The following OGFOD1 variants were observed in gnomAD, a reference collection of about 807,000 sequenced individuals.
OGFOD1 encodes 2-oxoglutarate and iron dependent oxygenase domain containing 1.
Under a neutral mutation model 67.7 loss-of-function variants are expected in OGFOD1, and 54 were observed. That is an observed-to-expected ratio of 0.80 (90% CI 0.64 to 1.00). The LOEUF (loss-of-function observed/expected upper bound fraction) is 1.00, where lower values mean the gene tolerates loss of function less well. Ranked by LOEUF, OGFOD1 falls within the 50% of genes least tolerant of loss-of-function variation. The pLI, the probability that OGFOD1 is intolerant of heterozygous loss-of-function variation, is 0.00. For synonymous variants in OGFOD1, 221 were observed against 227.0 expected (o/e 0.97, Z 0.24); for missense variants, 606 against 646.7 (o/e 0.94, Z 0.68).
At position 56,451,645 on chromosome 16, in the gene OGFOD1, A is replaced by G; in HGVS notation, c.33A>G (p.Pro11=). 6.2e-7 allele frequency: 1 copy of G among 1,614,008 alleles called. No individual in the cohort carries two copies. Among genetic ancestry groups the G allele is most frequent in the Non-Finnish European group, 8.5e-7 (1 of 1,180,008 alleles). Residue 11 remains proline (P), a synonymous_variant, in exon 1 of 13, where the codon CCA becomes CCG. Coordinates refer to ENST00000566157, the MANE Select transcript of OGFOD1 (RefSeq NM_018233.4). MNGKRPAEPG[P]ARVGKKGKKE... ...GGAAGCGGCCAGCGGAGCCCGGCCC[A>G]GCCCGGGTGGGAAAAAAGGGAAAGA... is the stretch of plus-strand genomic sequence containing the variant.
At position 56,453,399 on chromosome 16, in the gene OGFOD1, G is replaced by T. The variant is rs969708816; in HGVS notation, c.291G>T (p.Lys97Asn). The change falls in exon 2 of 13, where the codon AAG becomes AAT. Residue 97 changes from lysine to asparagine, a missense_variant. Physicochemically the swap from Lys to Asn is moderately conservative, Grantham distance 94 (BLOSUM62 0). Coordinates refer to ENST00000566157, the MANE Select transcript of OGFOD1 (RefSeq NM_018233.4). ...ATGAGAAGTATAATGATTTATATAA[G>T]TTCCAGCAGGTATTTATTCCCCTGC... ...DFHEKYNDLY[K>N]FQQSDDLKKR... 1.1e-5 allele frequency: 18 copies of T among 1,609,470 alleles called. No homozygotes were observed. Among genetic ancestry groups the T allele is most frequent in the Non-Finnish European group, 1.4e-5 (17 of 1,178,526 alleles).
At chr16:56,458,454 C>A in intron 2 of OGFOD1, 94 bp from the exon 3 acceptor site, 1 of 1,127,204 alleles carries the variant, frequency 8.9e-7, no homozygotes, top group Non-Finnish European at 1.4e-6. Flanking sequence ...CTCTTAATGA[C>A]AATGCTAGGA....
chr16:56,477,167 G>T lies in OGFOD1; in HGVS notation c.*962G>T, dbSNP rs1189280601. ...GAAGAAAAAAACATAAGTGATTGCAGAATTTTGTTCTTCTCATAATTTCTG... is the reference window on the plus strand; with the variant it reads ...GAAGAAAAAAACATAAGTGATTGCATAATTTTGTTCTTCTCATAATTTCTG... On this transcript the variant is annotated 3_prime_UTR_variant, in exon 13 of 13. Transcript: ENST00000566157. 6.6e-6 allele frequency: 1 copy of T among 152,080 alleles called. No individual in the cohort carries two copies. The highest frequency in any genetic ancestry group is 1.5e-5 in the Non-Finnish European group (1 of 68,010). The allele number at this position is 152,080 out of a possible 1,614,324, so 9.4% of individuals were successfully genotyped here.
At chr16:56,462,665 G>A in intron 4 of OGFOD1, 31 bp downstream of exon 4, 4 of 1,306,654 alleles carry the variant, frequency 3.1e-6, no homozygotes, top group Non-Finnish European at 4.4e-6. Flanking sequence ...GTGTCTGTAA[G>A]ATATAAAGGC....
chr16:56,467,924 G>A lies in OGFOD1; in HGVS notation c.806G>A (p.Trp269Ter). Residue 269 changes from tryptophan (W) to a stop codon, truncating the protein, a stop_gained, in exon 8 of 13, where the codon TGG (tryptophan) becomes TAG (stop). Transcript: ENST00000566157. LOFTEE classifies it high-confidence loss of function. ...CGTAAGCATGAGATTTTGTATGATT[G>A]GATCAACCCTACTTATCTGGACATG... ...IPQDHEILYD[W>*]INPTYLDMDY... 1 of 1,592,564 alleles carries A rather than the reference G, an allele frequency of 6.3e-7. No individual in the cohort carries two copies. The highest frequency in any genetic ancestry group is 8.6e-7 in the Non-Finnish European group (1 of 1,160,532).
At position 56,451,579 on chromosome 16, in the gene OGFOD1, A is replaced by G; in HGVS notation, c.-34A>G. 3 of 1,611,176 alleles carry G rather than the reference A, an allele frequency of 1.9e-6. No homozygotes were observed. The highest frequency in any genetic ancestry group is 1.7e-6 in the Non-Finnish European group (2 of 1,179,282). ...GTACCCTCAGGAAGGTAGCGTCTTG[A>G]TCTGCGTGGCGTGGTTCTGTGCCTT... is the stretch of plus-strand genomic sequence containing the variant. On this transcript the variant is annotated 5_prime_UTR_variant, in exon 1 of 13. Transcript: ENST00000566157.
rs148286989 is a variant in OGFOD1, at chr16:56,476,161, A to G, written c.1585A>G (p.Asn529Asp). Residue 529 changes from asparagine (N) to aspartate (D), a missense_variant, in exon 13 of 13, where the codon AAC becomes GAC. Physicochemically the swap from Asn to Asp is conservative, Grantham distance 23. Coordinates refer to ENST00000566157, the MANE Select transcript of OGFOD1 (RefSeq NM_018233.4). Reference sequence around the variant, plus strand: ...CCTGGAACAAAAGAAAACCTTCCCAAACAGAACAGGTTTCTGGGACTTTTC... The same window carrying G: ...CCTGGAACAAAAGAAAACCTTCCCAGACAGAACAGGTTTCTGGGACTTTTC... ...RSLEQKKTFP[N>D]RTGFWDFSFI... 7 of 1,613,264 alleles carry G rather than the reference A, an allele frequency of 4.3e-6. No homozygotes were observed. Among genetic ancestry groups the G allele is most frequent in the Non-Finnish European group, 5.9e-6 (7 of 1,180,002 alleles).
chr16:56,467,220 A>G lies in OGFOD1; in HGVS notation c.713A>G (p.His238Arg). ...KSRLSISGWFHGPSLTRPPNY... is the reference protein window; with the variant it reads ...KSRLSISGWFRGPSLTRPPNY... ...CGTTTGTCTATAAGTGGCTGGTTTC[A>G]TGGTCCATCATTGACTCGGCCTCCC... The change falls in exon 7 of 13, where the codon CAT becomes CGT. Residue 238 changes from histidine (H) to arginine (R), a missense_variant. Physicochemically the swap from His to Arg is conservative, Grantham distance 29 (BLOSUM62 0). Transcript: ENST00000566157. 6.2e-7 allele frequency: 1 copy of G among 1,614,136 alleles called. No homozygotes were observed. Among genetic ancestry groups the G allele is most frequent in the African/African-American group, 1.3e-5 (1 of 75,032 alleles).
In OGFOD1 at chr16:56,469,711, G is replaced by A. The variant is rs146400664; in HGVS notation, c.901-292G>A. On this transcript the variant is annotated intron_variant, in intron 8 of 12. Transcript: ENST00000566157. ...ACTAAAAATACAAAATTAGCCAGGC[G>A]TGGTGGTGCATGGCTGTAATCCCAG... 7.6e-3 allele frequency among the ~76,000 whole-genome samples: 1,153 copies of A among 152,106 alleles called. 16 individuals carry two copies. Among genetic ancestry groups the A allele is most frequent in the African/African-American group, 0.026 (1,080 of 41,496 alleles).
chr16:56,458,621 T>G, intron 3 of OGFOD1, 27 bp downstream of exon 3: 1 of 1,560,132 alleles, frequency 6.4e-7, no homozygotes, highest in Non-Finnish European at 8.8e-7. Flanking sequence ...ATTTGTTGGG[T>G]GCTAATATGT....
intron 3 of OGFOD1, among the ~76,000 whole-genome samples, chr16:56,459,558 T>C (rs1465270586): frequency 2.6e-5 from 4 of 152,246 alleles, no homozygotes; most frequent in Non-Finnish European, 4.4e-5. Context: ...GTGGTAGTTA[T>C]CTATGTTCTC....
chr16:56,472,724 T>C lies in OGFOD1; in HGVS notation c.1285+1933T>C, dbSNP rs149707329. 2.6e-4 allele frequency among the ~76,000 whole-genome samples: 39 copies of C among 152,378 alleles called. 1 individual carries two copies. Among genetic ancestry groups the C allele is most frequent in the African/African-American group, 7.7e-4 (32 of 41,594 alleles). ...ACTGTTTTTTTGCTATGTAGACATA[T>C]ACATGTATACACATATGGGGGGTAT... On this transcript the variant is annotated intron_variant, in intron 10 of 12. Coordinates refer to ENST00000566157, the MANE Select transcript of OGFOD1 (RefSeq NM_018233.4).
rs1322489777 is a variant in OGFOD1 at position 56,476,659 on chromosome 16, C to T, written c.*454C>T. On this transcript the variant is annotated 3_prime_UTR_variant, in exon 13 of 13. Coordinates refer to ENST00000566157, the MANE Select transcript of OGFOD1 (RefSeq NM_018233.4). ...CTGTGCCCATTGAACAATAACTCCC[C>T]ACCTCCCCTTCCCCTAGCAACAGCC... 6.5e-6 allele frequency: 1 copy of T among 153,554 alleles called. No individual in the cohort carries two copies. Among genetic ancestry groups the T allele is most frequent in the Non-Finnish European group, 1.4e-5 (1 of 69,180 alleles). The allele number at this position is 153,554 out of a possible 1,614,324, so 9.5% of individuals were successfully genotyped here. A position where few individuals can be genotyped will look rare whatever the true frequency, so the allele number is the denominator to read the frequency against.
At chr16:56,474,764 T>A (rs1293253026) in intron 10 of OGFOD1, 64 bp from the exon 11 acceptor site, 4 of 1,375,230 alleles carry the variant, frequency 2.9e-6, no homozygotes, top group African/African-American at 2.9e-5. Context: ...TATGATTCCC[T>A]TGCAATCCAA....
chr16:56,467,412 TTTC>T (rs1962949813), intron 7 of OGFOD1, 119 bp downstream of exon 7: 2 of 1,176,698 alleles, frequency 1.7e-6, no homozygotes, highest in Non-Finnish European at 2.4e-6. Context: ...CCTTTCCACT[TTTC>T]TTTTTTTTTT....
intron 8 of OGFOD1, among the ~76,000 whole-genome samples, chr16:56,468,725 CAA>C (rs34973805): frequency 0.046 from 6,055 of 132,866 alleles, 139 homozygotes; most frequent in East Asian, 0.14. Context: ...GACTCCGTCT[CAA>C]AAAAAAAAAA....
chr16:56,469,830 A>G (rs1399498963), intron 8 of OGFOD1, among the ~76,000 whole-genome samples, 173 bp from the exon 9 acceptor site: 1 of 140,054 alleles, frequency 7.1e-6, no homozygotes, highest in Non-Finnish European at 1.5e-5. Flanking sequence ...AGCCTGGGCA[A>G]CAAGAGTGAA....
chr16:56,453,917 T>A (rs1962423847), intron 2 of OGFOD1, among the ~76,000 whole-genome samples: 1 of 152,218 alleles, frequency 6.6e-6, no homozygotes, highest in South Asian at 2.1e-4. Flanking sequence ...TAAGGGTGAA[T>A]GTGACGGTGA....
At chr16:56,473,010 T>C (rs1272207193) in intron 10 of OGFOD1, among the ~76,000 whole-genome samples, 1 of 152,142 alleles carries the variant, frequency 6.6e-6, no homozygotes, top group African/African-American at 2.4e-5. Flanking sequence ...GGCTCACTGC[T>C]ACCTCCGTCT....
Sources: allele counts gnomAD v4.1 joint callset (sites outside exome capture counted in the v4.1 genomes callset), GRCh38; gene constraint gnomAD v4.1.1; transcripts MANE v1.5; gene names NCBI Gene and HGNC (gene_info 2026-07-23, HGNC 2026-07-21).